Variants in ZMYND8 observed in about 807,000 individuals in gnomAD.
ZMYND8 encodes MYND-type zinc finger-containing chromatin reader ZMYND8.
A neutral mutation model predicts 140.8 loss-of-function variants in ZMYND8; 37 were observed. That is an observed-to-expected ratio of 0.26 (90% CI 0.20 to 0.35). The LOEUF is 0.35. Ranked by LOEUF, ZMYND8 falls within the 10% of genes least tolerant of loss-of-function variation. The pLI, the probability that ZMYND8 is intolerant of heterozygous loss-of-function variation, is 1.00. For synonymous variants in ZMYND8, 592 were observed against 597.1 expected (o/e 0.99, Z 0.12); for missense variants, 1,068 against 1,570.0 (o/e 0.68, Z 5.40).
chr20:47,344,284 G>C (rs1465879936), intron 2 of ZMYND8, among the ~76,000 whole-genome samples: 1 of 152,056 alleles, frequency 6.6e-6, no homozygotes, highest in Non-Finnish European at 1.5e-5. Context: ...GGCCAACAGT[G>C]ATAGATCTTA....
At chr20:47,306,401 G>T (rs1018215452) in intron 3 of ZMYND8, among the ~76,000 whole-genome samples, 1 of 151,872 alleles carries the variant, frequency 6.6e-6, no homozygotes, top group Non-Finnish European at 1.5e-5. Context: ...CTGGGCAGCA[G>T]AGTGAGACCC....
chr20:47,294,608 A>G (rs1397244663), intron 5 of ZMYND8, 58 bp downstream of exon 5: 2 of 1,538,974 alleles, frequency 1.3e-6, no homozygotes, highest in African/African-American at 1.4e-5. Flanking sequence ...TATTAACAGA[A>G]CAAAACATAT....
chr20:47,315,780 G>C (rs1378770342), intron 2 of ZMYND8, among the ~76,000 whole-genome samples: 1 of 152,116 alleles, frequency 6.6e-6, no homozygotes, highest in Non-Finnish European at 1.5e-5. Flanking sequence ...AGACTTTTCT[G>C]CTGCCTTTTC....
intron 15 of ZMYND8, chr20:47,238,439 A>G (rs1568952265): frequency 2.3e-6 from 1 of 438,986 alleles, no homozygotes; most frequent in South Asian, 2.3e-5. Flanking sequence ...GATACTGGCC[A>G]CTGTGGAAGG....
At chr20:47,351,020 G>A (rs1044047977) in intron 1 of ZMYND8, among the ~76,000 whole-genome samples, 5 of 152,154 alleles carry the variant, frequency 3.3e-5, no homozygotes, top group African/African-American at 9.7e-5. Context: ...TGATACATTT[G>A]AGGCAATTCA....
intron 11 of ZMYND8, among the ~76,000 whole-genome samples, chr20:47,275,424 G>A (rs1278610417): frequency 6.6e-6 from 1 of 151,568 alleles, no homozygotes; most frequent in African/African-American, 2.4e-5. Flanking sequence ...AACCCAGGAG[G>A]TGGAGGTTGC....
intron 17 of ZMYND8, 89 bp downstream of exon 17, chr20:47,229,637 G>A: frequency 7.8e-7 from 1 of 1,287,524 alleles, no homozygotes; most frequent in Non-Finnish European, 1.1e-6. Context: ...CCCCAGAGGG[G>A]TTTCCAGAGA....
chr20:47,258,749 G>C (rs1294939389), intron 12 of ZMYND8, among the ~76,000 whole-genome samples: 1 of 152,064 alleles, frequency 6.6e-6, no homozygotes, highest in Non-Finnish European at 1.5e-5. Flanking sequence ...GCCCTATAAA[G>C]CATTTGTTCA....
chr20:47,233,721 C>T (rs2038850893), intron 16 of ZMYND8, among the ~76,000 whole-genome samples: 1 of 152,192 alleles, frequency 6.6e-6, no homozygotes, highest in Non-Finnish European at 1.5e-5. Flanking sequence ...CACCGGGCTT[C>T]AGTTTTCTCA....
chr20:47,254,760 G>A (rs969121567), intron 12 of ZMYND8, among the ~76,000 whole-genome samples: 1 of 152,122 alleles, frequency 6.6e-6, no homozygotes, highest in East Asian at 1.9e-4. Context: ...CCCGTGTGTT[G>A]TAGGATGTTC....
At chr20:47,355,921 C>A (rs2083196110) in intron 1 of ZMYND8, among the ~76,000 whole-genome samples, 1 of 150,692 alleles carries the variant, frequency 6.6e-6, no homozygotes, top group African/African-American at 2.4e-5. Flanking sequence ...TGGCTGTAGG[C>A]TGGCTTGCAG....
intron 3 of ZMYND8, among the ~76,000 whole-genome samples, chr20:47,309,551 C>A (rs143866805): frequency 0.017 from 2,523 of 152,196 alleles, 30 homozygotes; most frequent in Middle Eastern, 0.031. Context: ...TCGTGATCGA[C>A]CTGCCTCGGC....
At chr20:47,256,634 C>A (rs968842531) in intron 12 of ZMYND8, among the ~76,000 whole-genome samples, 1 of 152,064 alleles carries the variant, frequency 6.6e-6, no homozygotes, top group Non-Finnish European at 1.5e-5. Flanking sequence ...AAGAGAGAGA[C>A]CCTGGCAGAC....
chr20:47,302,247 G>T (rs1447943361), intron 3 of ZMYND8, among the ~76,000 whole-genome samples: 1 of 152,114 alleles, frequency 6.6e-6, no homozygotes, highest in Non-Finnish European at 1.5e-5. Context: ...GGCCGAGGTG[G>T]GTGGATCACC....
At position 47,294,732 on chromosome 20, in the gene ZMYND8, T is replaced by C. The variant is rs1569124760; in HGVS notation, c.501A>G (p.Thr167=). 2 of 1,614,234 alleles carry C rather than the reference T, an allele frequency of 1.2e-6. No individual in the cohort carries two copies. The highest frequency in any genetic ancestry group is 1.7e-6 in the Non-Finnish European group (2 of 1,180,040). The part of the protein sequence containing the change: ...ECIETQSKAM[T]MLTIEQLSYL... ...AGGATAACTGTTCAATGGTGAGCAT[T>C]GTCATGGCTTTACTCTGGGTCTCGA... The change falls in exon 5 of 23, where the codon ACA becomes ACG. Residue 167 remains threonine (T), a synonymous_variant. Coordinates refer to ENST00000471951, the MANE Select transcript of ZMYND8 (RefSeq NM_001281775.3).
At chr20:47,322,924 A>G (rs1440253806) in intron 2 of ZMYND8, among the ~76,000 whole-genome samples, 2 of 152,286 alleles carry the variant, frequency 1.3e-5, no homozygotes, top group South Asian at 2.1e-4. Flanking sequence ...GCATTGGCCA[A>G]CGTCAACACA....
intron 22 of ZMYND8, among the ~76,000 whole-genome samples, chr20:47,211,776 T>C (rs568800900): frequency 2.0e-5 from 3 of 152,160 alleles, no homozygotes; most frequent in East Asian, 1.9e-4. Flanking sequence ...TAATGTTTGG[T>C]TGAAAGAGGT....
chr20:47,309,338 GCT>G (rs1216567742), intron 3 of ZMYND8, among the ~76,000 whole-genome samples: 1 of 150,344 alleles, frequency 6.7e-6, no homozygotes, highest in East Asian at 1.9e-4. Flanking sequence ...ATAGAGTCTC[GCT>G]CTGTCACCAG....
At chr20:47,278,493 T>TA (rs751010003) in intron 10 of ZMYND8, among the ~76,000 whole-genome samples, 10 of 152,204 alleles carry the variant, frequency 6.6e-5, no homozygotes, top group Non-Finnish European at 1.3e-4. Context: ...GAAGACAAAA[T>TA]AGACTTCTTA....
Sources: allele counts gnomAD v4.1 joint callset (sites outside exome capture counted in the v4.1 genomes callset), GRCh38; gene constraint gnomAD v4.1.1; transcripts MANE v1.5; gene names NCBI Gene and HGNC (gene_info 2026-07-23, HGNC 2026-07-21).